The following FBXL20 variants were observed in gnomAD, a reference collection of about 807,000 sequenced individuals.
FBXL20 encodes F-box/LRR-repeat protein 20.
FBXL20 carries 11 observed loss-of-function variants against 64.0 expected under a neutral mutation model. The observed-to-expected ratio is 0.17, with a 90% CI of 0.11 to 0.28. The LOEUF (loss-of-function observed/expected upper bound fraction) is 0.28, where lower values mean the gene tolerates loss of function less well. Among genes scored for constraint, FBXL20 ranks in the 10% least tolerant of loss-of-function variants. The pLI is 1.00. For synonymous variants in FBXL20, 184 were observed against 189.0 expected, an observed-to-expected ratio of 0.97 and a Z score of 0.22; for missense variants, 303 against 526.2, an observed-to-expected ratio of 0.58 and a Z score of 4.15.
intron 2 of FBXL20, among the ~76,000 whole-genome samples, chr17:39,325,743 T>G (rs1467708269): frequency 2.0e-5 from 3 of 152,130 alleles, no homozygotes; most frequent in Non-Finnish European, 4.4e-5. Context: ...CAGGGCAGAC[T>G]CCAAGCAGCT....
chr17:39,338,733 T>A (rs181857268), intron 2 of FBXL20, among the ~76,000 whole-genome samples: 137 of 152,292 alleles, frequency 9.0e-4, no homozygotes, highest in African/African-American at 3.1e-3. Flanking sequence ...CTCTTGTTGA[T>A]ACATGGACAA....
intron 1 of FBXL20, among the ~76,000 whole-genome samples, chr17:39,395,458 A>G (rs2048174049): frequency 6.6e-6 from 1 of 152,194 alleles, no homozygotes; most frequent in Non-Finnish European, 1.5e-5. Context: ...AGGACCCATG[A>G]TTATGCAATA....
chr17:39,259,842 G>T lies in FBXL20; in HGVS notation c.*1618C>A, dbSNP rs561525722. ...TACTAAAAATACAAAAATTAGCCAG[G>T]CAGTAGTGGTGCATGCCTGTAATCC... On this transcript the variant is annotated 3_prime_UTR_variant, in exon 15 of 15. Transcript: ENST00000264658. The T allele has an allele frequency of 6.6e-6, 1 of 152,080 alleles. No homozygotes were observed. Among genetic ancestry groups the T allele is most frequent in the Admixed American group, 6.6e-5 (1 of 15,234 alleles). The allele number at this position is 152,080 out of a possible 1,614,324, so 9.4% of individuals were successfully genotyped here.
At chr17:39,384,796 A>G (rs1179576996) in intron 1 of FBXL20, among the ~76,000 whole-genome samples, 1 of 151,890 alleles carries the variant, frequency 6.6e-6, no homozygotes, top group Non-Finnish European at 1.5e-5. Flanking sequence ...CGTCTCTACT[A>G]AAAATACAGA....
intron 10 of FBXL20, among the ~76,000 whole-genome samples, chr17:39,272,402 A>G (rs59093626): frequency 4.5e-5 from 5 of 110,672 alleles, no homozygotes; most frequent in African/African-American, 1.6e-4. Flanking sequence ...AAAAAAAAAA[A>G]TTTTTTTTTT....
At chr17:39,292,653 C>T (rs2144418962) in intron 6 of FBXL20, among the ~76,000 whole-genome samples, 1 of 152,022 alleles carries the variant, frequency 6.6e-6, no homozygotes, top group African/African-American at 2.4e-5. Context: ...GAGTTTTTCG[C>T]TTGTTGCCCA....
chr17:39,295,087 G>C (rs769510812), intron 6 of FBXL20, among the ~76,000 whole-genome samples: 1 of 152,110 alleles, frequency 6.6e-6, no homozygotes, highest in African/African-American at 2.4e-5. Context: ...TAAAACAAGA[G>C]GGGATAAGTG....
chr17:39,365,568 T>C (rs1407469234), intron 1 of FBXL20, among the ~76,000 whole-genome samples: 1 of 152,354 alleles, frequency 6.6e-6, no homozygotes, highest in East Asian at 1.9e-4. Flanking sequence ...CTGAGCTTTC[T>C]TTTATGCTGA....
intron 7 of FBXL20, among the ~76,000 whole-genome samples, chr17:39,283,201 C>T (rs1431677934): frequency 6.6e-6 from 1 of 152,090 alleles, no homozygotes; most frequent in Non-Finnish European, 1.5e-5. Flanking sequence ...TAATAAAGAG[C>T]TCTGATTCAA....
At chr17:39,337,637 C>A (rs1251111267) in intron 2 of FBXL20, among the ~76,000 whole-genome samples, 1 of 151,592 alleles carries the variant, frequency 6.6e-6, no homozygotes, top group African/African-American at 2.4e-5. Flanking sequence ...GCCCGGCCGC[C>A]CCGTCTGAGA....
rs557319614 is a variant in FBXL20 at position 39,388,475 on chromosome 17, C to CT, written c.42+12885dup. Among the ~76,000 whole-genome samples, 664 of 141,652 alleles carry CT rather than the reference C, an allele frequency of 4.7e-3. 2 individuals are homozygous for CT. The highest frequency in any genetic ancestry group is 0.015 in the African/African-American group (591 of 38,782). 92.9% of individuals were successfully genotyped at this position (141,652 alleles called of 152,430 possible). A position where few individuals can be genotyped will look rare whatever the true frequency, so the allele number is the denominator to read the frequency against. On this transcript the variant is annotated intron_variant, in intron 1 of 14. Coordinates refer to ENST00000264658, the MANE Select transcript of FBXL20 (RefSeq NM_032875.3). ...AACCTGTCTCAAAAAAAAAAAGTTG[C>CT]TTTTTTTTTTTTAATTTTTTTTTTT... is the stretch of plus-strand genomic sequence containing the variant.
At chr17:39,333,639 C>T (rs2047487481) in intron 2 of FBXL20, among the ~76,000 whole-genome samples, 1 of 151,976 alleles carries the variant, frequency 6.6e-6, no homozygotes. Context: ...CTCTGCCCGG[C>T]TGCCCAGTCT....
At chr17:39,360,637 T>C (rs1007711593) in intron 1 of FBXL20, among the ~76,000 whole-genome samples, 1 of 152,214 alleles carries the variant, frequency 6.6e-6, no homozygotes, top group African/African-American at 2.4e-5. Flanking sequence ...CATGATCTTT[T>C]CACACTCAGA....
At chr17:39,287,119 G>T (rs651827) in intron 6 of FBXL20, among the ~76,000 whole-genome samples, 1 of 151,514 alleles carries the variant, frequency 6.6e-6, no homozygotes, top group South Asian at 2.1e-4. Context: ...CACCATGTTG[G>T]CCAGGCTGGT....
intron 1 of FBXL20, among the ~76,000 whole-genome samples, chr17:39,356,819 C>T (rs2047745848): frequency 8.0e-6 from 1 of 125,738 alleles, no homozygotes; most frequent in African/African-American, 4.2e-5. Flanking sequence ...CCACACCTGG[C>T]TAATTTTTTT....
chr17:39,296,388 G>A (rs777808294), intron 6 of FBXL20, among the ~76,000 whole-genome samples: 65 of 151,608 alleles, frequency 4.3e-4, no homozygotes, highest in South Asian at 3.1e-3. Context: ...GTGAAACCCC[G>A]TCTCTACTAA....
At chr17:39,354,624 T>C (rs1239963368) in intron 1 of FBXL20, among the ~76,000 whole-genome samples, 1 of 152,222 alleles carries the variant, frequency 6.6e-6, no homozygotes, top group Non-Finnish European at 1.5e-5. Flanking sequence ...GTTAGGAATC[T>C]GGAAGTACTC....
Position 39,361,555 on chromosome 17 carries a change from T to C in FBXL20, c.43-18314A>G, listed in dbSNP as rs1349990059. ...GCTTATGCCTGTAATCCCAGCACTTTGGGAGGCTGAGGCAGGTAGATCATT... is the reference window on the plus strand; with the variant it reads ...GCTTATGCCTGTAATCCCAGCACTTCGGGAGGCTGAGGCAGGTAGATCATT... On this transcript the variant is annotated intron_variant, in intron 1 of 14. Coordinates refer to ENST00000264658, the MANE Select transcript of FBXL20 (RefSeq NM_032875.3). Among the ~76,000 whole-genome samples, 4 of 152,132 alleles carry C rather than the reference T, an allele frequency of 2.6e-5. No homozygotes were observed. The East Asian group carries it at 7.7e-4, about 29-fold the overall frequency.
chr17:39,351,266 G>C (rs915356008), intron 1 of FBXL20, among the ~76,000 whole-genome samples: 6 of 151,672 alleles, frequency 4.0e-5, no homozygotes, highest in African/African-American at 1.5e-4. Context: ...AAACCGGGAG[G>C]GGGAGGTTGC....
Sources: gnomAD v4.1 joint callset for allele counts (sites outside exome capture counted in the v4.1 genomes callset) on GRCh38, gnomAD v4.1.1 for gene constraint, MANE v1.5 for transcripts, NCBI Gene and HGNC (gene_info 2026-07-23, HGNC 2026-07-21) for gene names.